CFDP1: variants seen among roughly 807,000 people sequenced by gnomAD.
The protein encoded by CFDP1 is heterochromatin-stabilizing protein CFDP1.
Under a neutral mutation model 40.1 loss-of-function variants are expected in CFDP1, and 31 were observed. The observed-to-expected ratio is 0.77, with a 90% CI of 0.58 to 1.04. CFDP1 has a LOEUF of 1.04. CFDP1 is among the 50% of genes least tolerant of loss of function. CFDP1 has a pLI of 0.00. For missense variants in CFDP1, 423 were observed against 343.4 expected, an observed-to-expected ratio of 1.23 and a Z score of -1.83; for synonymous variants, 167 against 120.0, an observed-to-expected ratio of 1.39 and a Z score of -2.56.
chr16:75,327,856 T>A (rs1048415016), intron 5 of CFDP1, among the ~76,000 whole-genome samples: 1 of 152,108 alleles, frequency 6.6e-6, no homozygotes, highest in African/African-American at 2.4e-5. Flanking sequence ...CCCGAATAGC[T>A]GGGATTACAG....
intron 4 of CFDP1, among the ~76,000 whole-genome samples, chr16:75,401,841 T>C (rs1457040676): frequency 4.3e-5 from 5 of 116,940 alleles, no homozygotes; most frequent in Admixed American, 1.0e-4. Context: ...CTGTTAGATG[T>C]TGAACATATA....
chr16:75,379,281 G>C (rs918714610), intron 5 of CFDP1, among the ~76,000 whole-genome samples: 2 of 151,508 alleles, frequency 1.3e-5, no homozygotes, highest in African/African-American at 4.9e-5. Flanking sequence ...CAATGAAACA[G>C]AGCTGGTTCT....
chr16:75,398,905 A>G (rs2079022284), intron 4 of CFDP1, among the ~76,000 whole-genome samples: 1 of 152,038 alleles, frequency 6.6e-6, no homozygotes, highest in East Asian at 1.9e-4. Flanking sequence ...AATACAAAAA[A>G]AATTAGCCAG....
chr16:75,357,783 G>A (rs1378582630), intron 5 of CFDP1, among the ~76,000 whole-genome samples: 3 of 152,166 alleles, frequency 2.0e-5, no homozygotes, highest in Non-Finnish European at 2.9e-5. Context: ...TCATTTGTGC[G>A]TTCACTGGAG....
intron 5 of CFDP1, among the ~76,000 whole-genome samples, chr16:75,337,817 A>G (rs2078500082): frequency 6.6e-6 from 1 of 152,210 alleles, no homozygotes. Context: ...GCTGGGGATT[A>G]TAATTGGACA....
intron 5 of CFDP1, among the ~76,000 whole-genome samples, chr16:75,321,342 C>T (rs1433301670): frequency 6.6e-6 from 1 of 152,124 alleles, no homozygotes; most frequent in African/African-American, 2.4e-5. Flanking sequence ...AATGGTACAA[C>T]TCAGTGGTTT....
intron 5 of CFDP1, among the ~76,000 whole-genome samples, chr16:75,363,297 A>G (rs528512034): frequency 6.6e-6 from 1 of 151,538 alleles, no homozygotes; most frequent in Admixed American, 6.6e-5. Context: ...AATTTTTGCC[A>G]TCCCCTCTTG....
At chr16:75,379,604 G>C (rs1299519239) in intron 5 of CFDP1, among the ~76,000 whole-genome samples, 3 of 152,164 alleles carry the variant, frequency 2.0e-5, no homozygotes, top group Admixed American at 1.3e-4. Context: ...GTTAAGGAGG[G>C]GGTGAGGGCA....
chr16:75,423,990 T>C (rs2079307316), intron 1 of CFDP1, among the ~76,000 whole-genome samples: 1 of 152,210 alleles, frequency 6.6e-6, no homozygotes, highest in Non-Finnish European at 1.5e-5. Context: ...CCAAGTGAGC[T>C]GTCTCCCAGA....
intron 5 of CFDP1, among the ~76,000 whole-genome samples, chr16:75,355,708 T>A (rs2903033): frequency 0.52 from 78,521 of 151,930 alleles, 21,394 homozygotes; most frequent in Admixed American, 0.64. Context: ...CTCATGATAA[T>A]GAGTGAGTCT....
At chr16:75,386,552 C>G (rs1447036500) in intron 5 of CFDP1, among the ~76,000 whole-genome samples, 1 of 152,176 alleles carries the variant, frequency 6.6e-6, no homozygotes, top group African/African-American at 2.4e-5. Context: ...TGGTGAAACC[C>G]TGTCTCTACT....
At chr16:75,419,098 C>T (rs778708315) in intron 1 of CFDP1, 7 of 383,970 alleles carry the variant, frequency 1.8e-5, no homozygotes, top group East Asian at 7.9e-5. Context: ...AGCAGGACGC[C>T]GACTCATAAA....
intron 5 of CFDP1, among the ~76,000 whole-genome samples, chr16:75,389,396 C>G (rs1283352770): frequency 6.6e-6 from 1 of 152,192 alleles, no homozygotes; most frequent in Admixed American, 6.5e-5. Context: ...GGGCTTATTC[C>G]ATTCCCAAAA....
intron 5 of CFDP1, among the ~76,000 whole-genome samples, chr16:75,308,279 C>T (rs551674998): frequency 1.3e-5 from 2 of 152,210 alleles, no homozygotes; most frequent in Middle Eastern, 3.4e-3. Context: ...GGCATCAAGC[C>T]CTCGTGGCCT....
intron 3 of CFDP1, 124 bp downstream of exon 3, chr16:75,412,411 T>A: frequency 1.3e-6 from 1 of 766,028 alleles, no homozygotes; most frequent in South Asian, 1.7e-5. Flanking sequence ...CCACAGGAAA[T>A]GCTTTGCTTT....
intron 4 of CFDP1, among the ~76,000 whole-genome samples, chr16:75,402,036 A>G (rs1246961030): frequency 6.6e-6 from 1 of 152,240 alleles, no homozygotes; most frequent in Admixed American, 6.5e-5. Context: ...TATATTCACT[A>G]GGAAACACTG....
chr16:75,369,646 T>G (rs1012811759), intron 5 of CFDP1, among the ~76,000 whole-genome samples: 1 of 152,250 alleles, frequency 6.6e-6, no homozygotes, highest in African/African-American at 2.4e-5. Context: ...GAAAACTAAG[T>G]AAGACCAGAT....
chr16:75,414,558 G>A lies in CFDP1; in HGVS notation c.182+20C>T. The A allele has an allele frequency of 1.4e-6, 2 of 1,450,268 alleles. No homozygotes were observed. Among genetic ancestry groups the A allele is most frequent in the East Asian group, 2.3e-5 (1 of 44,106 alleles). The allele number at this position is 1,450,268 out of a possible 1,614,324, so 89.8% of individuals were successfully genotyped here. A position where few individuals can be genotyped will look rare whatever the true frequency, so the allele number is the denominator to read the frequency against. On this transcript the variant is annotated intron_variant, in intron 2 of 6. Transcript: ENST00000283882. ...GTGACAATAGCCCCTAACTTCTAAG[G>A]GCCTTGAAGGCAGCATCACCTGGCT...
chr16:75,294,641 T>C (rs1423964068), intron 6 of CFDP1, among the ~76,000 whole-genome samples: 1 of 152,184 alleles, frequency 6.6e-6, no homozygotes, highest in Non-Finnish European at 1.5e-5. Flanking sequence ...TTTGAGCTCT[T>C]TTCTTCCCCT....
Sources: gnomAD v4.1 joint callset for allele counts (sites outside exome capture counted in the v4.1 genomes callset) on GRCh38, gnomAD v4.1.1 for gene constraint, MANE v1.5 for transcripts, NCBI Gene and HGNC (gene_info 2026-07-23, HGNC 2026-07-21) for gene names.